TRPA1: variants seen among roughly 807,000 people sequenced by gnomAD.
The protein encoded by TRPA1 is ankyrin-like with transmembrane domains 1.
TRPA1 carries 129 observed loss-of-function variants against 131.3 expected under a neutral mutation model. That is an observed-to-expected ratio of 0.98 (90% CI 0.85 to 1.14). TRPA1 has a LOEUF of 1.14. Among genes scored for constraint, TRPA1 ranks in the 50% most tolerant of loss-of-function variants. The pLI, the probability that TRPA1 is intolerant of heterozygous loss-of-function variation, is 0.00. For synonymous variants in TRPA1, 441 were observed against 451.7 expected (o/e 0.98, Z 0.30); for missense variants, 1,304 against 1,354.2 (o/e 0.96, Z 0.58).
Position 72,022,839 on chromosome 8 carries a change from T to C in TRPA1, c.*67A>G. 1 of 1,436,634 alleles carries C rather than the reference T, an allele frequency of 7.0e-7. No individual in the cohort carries two copies. The highest frequency in any genetic ancestry group is 9.8e-7 in the Non-Finnish European group (1 of 1,023,430). 89.0% of individuals were successfully genotyped at this position (1,436,634 alleles called of 1,614,324 possible). A position where few individuals can be genotyped will look rare whatever the true frequency, so the allele number is the denominator to read the frequency against. ...CATTCTGCTTCTTCCTCACTCTTTTTAAATTGAAAGTTAGAACCAGCAAGT... is the reference window on the plus strand; with the variant it reads ...CATTCTGCTTCTTCCTCACTCTTTTCAAATTGAAAGTTAGAACCAGCAAGT... On this transcript the variant is annotated 3_prime_UTR_variant, in exon 27 of 27. Transcript: ENST00000262209.
the TRPA1 span, among the ~76,000 whole-genome samples, chr8:72,088,374 T>G: frequency 1.3e-5 from 2 of 150,130 alleles, no homozygotes; most frequent in South Asian, 4.3e-4. Context: ...AACTTTTTTT[T>G]TTTTTTTTTT....
intron 23 of TRPA1, among the ~76,000 whole-genome samples, chr8:72,032,471 T>C (rs1464377632): frequency 6.6e-6 from 1 of 152,198 alleles, no homozygotes; most frequent in Non-Finnish European, 1.5e-5. Flanking sequence ...ATGATCTTAG[T>C]AGGATGACTA....
At chr8:72,058,080 G>A (rs1805718187) in intron 8 of TRPA1, among the ~76,000 whole-genome samples, 3 of 152,212 alleles carry the variant, frequency 2.0e-5, no homozygotes, top group African/African-American at 7.2e-5. Context: ...AATAGCTCTT[G>A]TTACCGCTTG....
intron 4 of TRPA1, among the ~76,000 whole-genome samples, chr8:72,064,223 A>C (rs1056871828): frequency 1.3e-5 from 2 of 149,780 alleles, no homozygotes; most frequent in African/African-American, 4.9e-5. Context: ...AGGTAGTATC[A>C]GTTTACTCTA....
chr8:72,029,513 G>A (rs904966633), intron 24 of TRPA1, among the ~76,000 whole-genome samples: 1 of 152,184 alleles, frequency 6.6e-6, no homozygotes, highest in African/African-American at 2.4e-5. Context: ...AGGAAGTAAC[G>A]ATAATGGTGT....
chr8:72,022,874 C>T lies in TRPA1; in HGVS notation c.*32G>A, dbSNP rs778801924. ...GTTAGAACCAGCAAGTCATGCACCC[C>T]CCATTAGAAGCCTCACTGAAGGTCT... On this transcript the variant is annotated 3_prime_UTR_variant, in exon 27 of 27. Transcript: ENST00000262209. The T allele has an allele frequency of 1.3e-6, 2 of 1,594,572 alleles. No homozygotes were observed. Among genetic ancestry groups the T allele is most frequent in the South Asian group, 1.1e-5 (1 of 90,656 alleles).
At chr8:72,075,678 C>A, upstream of TRPA1, 2 of 499,376 alleles carry the variant, frequency 4.0e-6, no homozygotes, top group South Asian at 2.0e-5. Context: ...GCAAAGAGGG[C>A]GGCGGCGCCG....
At chr8:72,082,416 G>A in the TRPA1 span, among the ~76,000 whole-genome samples, 2 of 151,952 alleles carry the variant, frequency 1.3e-5, no homozygotes, top group South Asian at 4.1e-4. Flanking sequence ...CACACACACG[G>A]ACTTTTATAT....
chr8:72,043,696 G>A (rs1302792864), intron 17 of TRPA1, among the ~76,000 whole-genome samples: 1 of 151,632 alleles, frequency 6.6e-6, no homozygotes, highest in Non-Finnish European at 1.5e-5. Context: ...TCTGTTTTTA[G>A]CTTCCTTGTA....
intron 20 of TRPA1, among the ~76,000 whole-genome samples, chr8:72,037,260 A>C (rs1453242456): frequency 2.0e-5 from 3 of 152,190 alleles, no homozygotes; most frequent in African/African-American, 7.2e-5. Flanking sequence ...TACGTGATGC[A>C]ACAAAGAAAA....
At position 72,050,804 on chromosome 8, in the gene TRPA1, T is replaced by A. The variant is rs1243647254; in HGVS notation, c.1879A>T (p.Ile627Leu). 6.2e-7 allele frequency: 1 copy of A among 1,611,752 alleles called. No individual in the cohort carries two copies. The highest frequency in any genetic ancestry group is 1.1e-5 in the South Asian group (1 of 91,044). ...TTCATGCATTCAGGGAGGTATTCTA[T>A]CATTTCTGTAATTGGACATTTATTG... ...PGNKCPITEM[I>L]EYLPECMKVL... Residue 627 changes from isoleucine to leucine, a missense_variant, in exon 15 of 27, where the codon ATA (isoleucine) becomes TTA (leucine). Transcript: ENST00000262209.
chr8:72,033,933 T>A (rs1811932929), intron 22 of TRPA1, 107 bp from the exon 23 acceptor site: 1 of 1,111,724 alleles, frequency 9.0e-7, no homozygotes, highest in African/African-American at 1.6e-5. Context: ...TTTTTTAAAG[T>A]CATAGGCATA....
intron 17 of TRPA1, among the ~76,000 whole-genome samples, chr8:72,040,479 T>G (rs1252022446): frequency 6.6e-6 from 1 of 152,112 alleles, no homozygotes. Context: ...GGAAAATGCA[T>G]GGCCTTTACA....
chr8:72,047,109 CA>C (rs1380393477), intron 16 of TRPA1, 38 bp downstream of exon 16: 3 of 1,446,250 alleles, frequency 2.1e-6, no homozygotes, highest in Non-Finnish European at 2.9e-6. Context: ...AGAATTATAA[CA>C]AAATAAATTT....
chr8:72,057,282 T>C (rs138402575), intron 9 of TRPA1, among the ~76,000 whole-genome samples: 1,660 of 152,194 alleles, frequency 0.011, 23 homozygotes, highest in South Asian at 0.015. Flanking sequence ...TTTTAAAGCA[T>C]AAAATGTAAG....
At chr8:72,075,861 T>TGA (rs1331515424), upstream of TRPA1, among the ~76,000 whole-genome samples, 8 of 21,210 alleles carry the variant, frequency 3.8e-4, no homozygotes, top group Admixed American at 5.0e-3. Flanking sequence ...TGCATGTGAG[T>TGA]GTGTGTGTGT....
intron 24 of TRPA1, among the ~76,000 whole-genome samples, chr8:72,029,053 T>C (rs188068094): frequency 4.0e-4 from 61 of 152,310 alleles, no homozygotes; most frequent in African/African-American, 1.4e-3. Flanking sequence ...AAAATAACTT[T>C]GTGTTGTATG....
Position 72,059,379 on chromosome 8 carries a change from G to A in TRPA1, c.993+11C>T. On this transcript the variant is annotated intron_variant, in intron 8 of 26. Transcript: ENST00000262209. ...TAGTAATAAAAATAAACCAGTAAAAGGAATAGTTACCACTGAAATTAAATA... is the reference window on the plus strand; with the variant it reads ...TAGTAATAAAAATAAACCAGTAAAAAGAATAGTTACCACTGAAATTAAATA... 1.3e-6 allele frequency: 2 copies of A among 1,523,052 alleles called. No individual in the cohort carries two copies. Among genetic ancestry groups the A allele is most frequent in the African/African-American group, 1.4e-5 (1 of 72,768 alleles). 94.3% of individuals were successfully genotyped at this position (1,523,052 alleles called of 1,614,324 possible).
chr8:72,072,388 G>A (rs1192511111), intron 1 of TRPA1, among the ~76,000 whole-genome samples: 3 of 152,182 alleles, frequency 2.0e-5, no homozygotes, highest in Non-Finnish European at 4.4e-5. Flanking sequence ...CAAATGTCAG[G>A]TTGGAATAAT....
Sources: gnomAD v4.1 joint callset for allele counts (sites outside exome capture counted in the v4.1 genomes callset) on GRCh38, gnomAD v4.1.1 for gene constraint, MANE v1.5 for transcripts, NCBI Gene and HGNC (gene_info 2026-07-23, HGNC 2026-07-21) for gene names.